The following CDHR3 variants were observed in gnomAD, a reference collection of about 807,000 sequenced individuals.
CDHR3 encodes cadherin-related family member 3.
In CDHR3, 79 loss-of-function variants were observed where a neutral mutation model predicts 86.6. The observed-to-expected ratio is 0.91, with a 90% CI of 0.76 to 1.10. The LOEUF is 1.10. Among genes scored for constraint, CDHR3 ranks in the 50% least tolerant of loss-of-function variants. The pLI, the probability that CDHR3 is intolerant of heterozygous loss-of-function variation, is 0.00. For missense variants in CDHR3, 1,081 were observed against 1,077.6 expected (o/e 1.00, Z -0.04); for synonymous variants, 421 against 402.4 (o/e 1.05, Z -0.55).
At chr7:106,013,918 T>C (rs538558083) in intron 9 of CDHR3, among the ~76,000 whole-genome samples, 3 of 152,216 alleles carry the variant, frequency 2.0e-5, no homozygotes, top group Non-Finnish European at 2.9e-5. Context: ...TCTATAGATA[T>C]ATTTTATGTG....
chr7:106,002,596 A>G (rs1833365044), intron 7 of CDHR3, among the ~76,000 whole-genome samples: 2 of 151,962 alleles, frequency 1.3e-5, no homozygotes, highest in Admixed American at 6.6e-5. Flanking sequence ...GAATCCCATC[A>G]CCTTTTTCTC....
intron 7 of CDHR3, 147 bp downstream of exon 7, chr7:106,001,757 A>G (rs1206956488): frequency 2.0e-5 from 19 of 966,620 alleles, no homozygotes; most frequent in Non-Finnish European, 3.0e-5. Flanking sequence ...AGTTTCTTCT[A>G]TAAAATGGCT....
chr7:106,029,244 G>C (rs1197983095), intron 17 of CDHR3, among the ~76,000 whole-genome samples: 1 of 152,134 alleles, frequency 6.6e-6, no homozygotes, highest in Non-Finnish European at 1.5e-5. Context: ...GCCTCCCAAA[G>C]TGCTGGGATT....
At chr7:106,029,363 C>G (rs1837977182) in intron 17 of CDHR3, among the ~76,000 whole-genome samples, 1 of 152,156 alleles carries the variant, frequency 6.6e-6, no homozygotes, top group African/African-American at 2.4e-5. Context: ...TTGGCTCTAC[C>G]CACTTAGCCT....
chr7:106,000,899 C>CAA (rs35254288), intron 6 of CDHR3, among the ~76,000 whole-genome samples: 4,076 of 90,518 alleles, frequency 0.045, 160 homozygotes, highest in South Asian at 0.19. Context: ...TATCCTCAGG[C>CAA]AAAAAAAAAA....
chr7:105,984,008 C>T (rs1830167997), intron 3 of CDHR3, among the ~76,000 whole-genome samples, 184 bp from the exon 4 acceptor site: 1 of 152,156 alleles, frequency 6.6e-6, no homozygotes, highest in Non-Finnish European at 1.5e-5. Context: ...TTATGAATTA[C>T]CCTAAATGGA....
At chr7:105,984,988 G>A (rs1467168417) in intron 4 of CDHR3, among the ~76,000 whole-genome samples, 1 of 151,424 alleles carries the variant, frequency 6.6e-6, no homozygotes, top group Non-Finnish European at 1.5e-5. Context: ...GAGCCTAGGA[G>A]TTTGAGACTA....
intron 4 of CDHR3, among the ~76,000 whole-genome samples, chr7:105,987,824 C>T (rs1330688148): frequency 1.3e-5 from 2 of 152,230 alleles, no homozygotes; most frequent in Non-Finnish European, 2.9e-5. Context: ...TCTGCATTGT[C>T]TGAGAACAAT....
At chr7:105,972,412 G>C (rs193798) in intron 1 of CDHR3, among the ~76,000 whole-genome samples, 23,323 of 152,164 alleles carry the variant, frequency 0.15, 1,882 homozygotes, top group South Asian at 0.26. Context: ...TCACTGGAGA[G>C]GGTTGGAGGG....
intron 1 of CDHR3, among the ~76,000 whole-genome samples, chr7:105,968,292 AAAC>A (rs1461378154): frequency 6.6e-6 from 1 of 152,236 alleles, no homozygotes; most frequent in African/African-American, 2.4e-5. Context: ...GCATATGTTG[AAAC>A]AACATTTGAC....
rs575553179 is a variant in CDHR3, at chr7:105,979,375, T to C, written c.250-1593T>C. On this transcript the variant is annotated intron_variant, in intron 2 of 18. Transcript: ENST00000317716. ...CAGTAGACACAAGAATACCTCTTTT[T>C]CCCCCCTCGACAATCTTCCATACCC... Among the ~76,000 whole-genome samples the C allele has an allele frequency of 9.2e-5, 14 of 152,050 alleles. No homozygotes were observed. In the East Asian group the frequency reaches 2.3e-3, roughly 25 times the overall value.
At chr7:106,012,731 T>G (rs1209411566) in intron 8 of CDHR3, 129 bp from the exon 9 acceptor site, 1 of 985,028 alleles carries the variant, frequency 1.0e-6, no homozygotes, top group Non-Finnish European at 1.5e-6. Context: ...AGTTAGGAGG[T>G]GACTGCAATG....
intron 13 of CDHR3, among the ~76,000 whole-genome samples, chr7:106,020,964 T>C (rs1836475401): frequency 6.6e-6 from 1 of 152,138 alleles, no homozygotes; most frequent in Admixed American, 6.5e-5. Context: ...GTATGAGTCA[T>C]AAAGCATATT....
chr7:105,996,716 C>T (rs1832299356), intron 6 of CDHR3, among the ~76,000 whole-genome samples: 1 of 152,200 alleles, frequency 6.6e-6, no homozygotes, highest in Admixed American at 6.5e-5. Context: ...TGCATCATCA[C>T]TCACGACTCC....
intron 5 of CDHR3, 114 bp downstream of exon 5, chr7:105,994,959 C>G: frequency 2.6e-6 from 2 of 777,090 alleles, no homozygotes; most frequent in East Asian, 2.7e-5. Context: ...CTTGAGCAGT[C>G]TACAGCGTCA....
chr7:106,028,733 C>A (rs1251428171), intron 17 of CDHR3, among the ~76,000 whole-genome samples, 151 bp downstream of exon 17: 1 of 152,126 alleles, frequency 6.6e-6, no homozygotes, highest in Non-Finnish European at 1.5e-5. Flanking sequence ...TGCTGTGTGA[C>A]GAGCTCCTGA....
intron 3 of CDHR3, 81 bp from the exon 4 acceptor site, chr7:105,984,111 G>A: frequency 1.3e-6 from 1 of 753,172 alleles, no homozygotes; most frequent in Admixed American, 2.6e-5. Flanking sequence ...TCCCTTGGTT[G>A]TGTACAGCTG....
chr7:105,963,666 G>C (rs1159874000), intron 1 of CDHR3, among the ~76,000 whole-genome samples: 1 of 152,206 alleles, frequency 6.6e-6, no homozygotes, highest in Non-Finnish European at 1.5e-5. Flanking sequence ...TGGGAAAATA[G>C]TGTTCATAGC....
chr7:105,993,208 C>T (rs568912575), intron 4 of CDHR3, among the ~76,000 whole-genome samples: 1 of 152,186 alleles, frequency 6.6e-6, no homozygotes, highest in East Asian at 1.9e-4. Flanking sequence ...AACCTTAAAG[C>T]CCTTTGGAAG....
Sources: gnomAD v4.1 joint callset for allele counts (sites outside exome capture counted in the v4.1 genomes callset) on GRCh38, gnomAD v4.1.1 for gene constraint, MANE v1.5 for transcripts, NCBI Gene and HGNC (gene_info 2026-07-23, HGNC 2026-07-21) for gene names.